RIC1: variants seen among roughly 807,000 people sequenced by gnomAD.
The protein encoded by RIC1 is guanine nucleotide exchange factor subunit RIC1.
RIC1 carries 88 observed loss-of-function variants against 169.0 expected under a neutral mutation model. The observed-to-expected ratio is 0.52, with a 90% CI of 0.44 to 0.62. The LOEUF is 0.62. RIC1 is among the 20% of genes least tolerant of loss of function. RIC1 has a pLI of 0.00. For missense variants in RIC1, 1,877 were observed against 1,725.5 expected (o/e 1.09, Z -1.56); for synonymous variants, 790 against 601.5 (o/e 1.31, Z -4.59).
At chr9:5,730,921 C>G (rs1437269398) in intron 6 of RIC1, among the ~76,000 whole-genome samples, 1 of 152,112 alleles carries the variant, frequency 6.6e-6, no homozygotes, top group Non-Finnish European at 1.5e-5. Context: ...CCACTTCACT[C>G]TATCCACACA....
At chr9:5,705,666 T>C (rs1024358281) in intron 3 of RIC1, among the ~76,000 whole-genome samples, 2 of 152,210 alleles carry the variant, frequency 1.3e-5, no homozygotes, top group Admixed American at 6.5e-5. Context: ...TCCAGTATTA[T>C]GCTGAACGGA....
intron 3 of RIC1, among the ~76,000 whole-genome samples, chr9:5,711,493 A>G (rs2130818539): frequency 6.6e-6 from 1 of 152,044 alleles, no homozygotes; most frequent in South Asian, 2.1e-4. Flanking sequence ...TTTAACTCAG[A>G]GCTGTTATTT....
At chr9:5,653,431 C>G (rs1818916016) in intron 1 of RIC1, among the ~76,000 whole-genome samples, 1 of 152,144 alleles carries the variant, frequency 6.6e-6, no homozygotes, top group Non-Finnish European at 1.5e-5. Context: ...TCTGTATCAA[C>G]TTTAGAGTGA....
intron 2 of RIC1, among the ~76,000 whole-genome samples, chr9:5,658,939 T>C (rs1436939245): frequency 1.3e-5 from 2 of 151,580 alleles, no homozygotes; most frequent in Non-Finnish European, 2.9e-5. Context: ...TATTAGAAAA[T>C]GTTTTCAAAT....
At chr9:5,697,552 CATT>C (rs5896127) in intron 3 of RIC1, among the ~76,000 whole-genome samples, 1,722 of 152,250 alleles carry the variant, frequency 0.011, 45 homozygotes, top group African/African-American at 0.039. Flanking sequence ...TCCAAGATAT[CATT>C]ATTTCATTTC....
chr9:5,678,054 G>A (rs1820565043), intron 2 of RIC1, among the ~76,000 whole-genome samples: 1 of 149,806 alleles, frequency 6.7e-6, no homozygotes, highest in South Asian at 2.1e-4. Flanking sequence ...GTGTCCATGT[G>A]TTCTCATTGT....
At chr9:5,635,058 G>C (rs1342550936) in intron 1 of RIC1, among the ~76,000 whole-genome samples, 1 of 152,060 alleles carries the variant, frequency 6.6e-6, no homozygotes, top group Non-Finnish European at 1.5e-5. Context: ...CATGATCATG[G>C]CTTACTGCAG....
chr9:5,770,150 G>T lies in RIC1; in HGVS notation c.3488G>T (p.Gly1163Val), dbSNP rs1586730993. The T allele has an allele frequency of 6.2e-7, 1 of 1,613,648 alleles. No homozygotes were observed. Among genetic ancestry groups the T allele is most frequent in the African/African-American group, 1.3e-5 (1 of 74,894 alleles). ...TTTTTGAACCTTGAGATGGATGCTG[G>T]CATCTCCAACATCCAGCGAAGTCAG... ...DPFLNLEMDA[G>V]ISNIQRSQSW... is the part of the protein sequence containing the mutation. Residue 1163 changes from glycine to valine, a missense_variant, in exon 23 of 26, where the codon GGC becomes GTC. By Grantham distance (109) the Gly-to-Val change is moderately radical. This residue lies in a region of RIC1 where 681 missense variants were observed against 582.0 expected (regional missense o/e 1.17). Coordinates refer to ENST00000414202, the MANE Select transcript of RIC1 (RefSeq NM_020829.4).
intron 11 of RIC1, among the ~76,000 whole-genome samples, chr9:5,746,610 T>C (rs1268552162): frequency 6.6e-6 from 1 of 152,090 alleles, no homozygotes; most frequent in African/African-American, 2.4e-5. Context: ...TTTTAAGAAA[T>C]AGCTTAAAGA....
intron 2 of RIC1, among the ~76,000 whole-genome samples, chr9:5,675,411 C>T (rs1230110604): frequency 6.6e-6 from 1 of 151,956 alleles, no homozygotes; most frequent in Non-Finnish European, 1.5e-5. Flanking sequence ...ACTGACATAT[C>T]GATTCTTTGA....
intron 1 of RIC1, among the ~76,000 whole-genome samples, chr9:5,645,242 G>C (rs1405947559): frequency 6.6e-6 from 1 of 152,104 alleles, no homozygotes; most frequent in Non-Finnish European, 1.5e-5. Context: ...TGTAGAGACA[G>C]GGTCTCCATA....
intron 1 of RIC1, among the ~76,000 whole-genome samples, chr9:5,650,577 C>G (rs1052559167): frequency 2.0e-5 from 3 of 151,930 alleles, no homozygotes; most frequent in Non-Finnish European, 4.4e-5. Flanking sequence ...GTATGGTATG[C>G]TTTGCTCCAA....
chr9:5,665,475 C>T (rs1819698135), intron 2 of RIC1, among the ~76,000 whole-genome samples: 1 of 152,126 alleles, frequency 6.6e-6, no homozygotes, highest in Non-Finnish European at 1.5e-5. Flanking sequence ...AGTTGTGAGC[C>T]CTTGCTGGAG....
chr9:5,743,961 C>T (rs571999887), intron 10 of RIC1, among the ~76,000 whole-genome samples: 15 of 152,176 alleles, frequency 9.9e-5, no homozygotes, highest in Admixed American at 5.9e-4. Flanking sequence ...TATCCACACA[C>T]GGTTAATTTT....
intron 3 of RIC1, among the ~76,000 whole-genome samples, chr9:5,709,796 A>G (rs1361624409): frequency 6.6e-6 from 1 of 152,154 alleles, no homozygotes. Flanking sequence ...GTATGTTTGG[A>G]AGACAGGATG....
chr9:5,737,082 C>T (rs565492170), intron 7 of RIC1, among the ~76,000 whole-genome samples: 1 of 151,942 alleles, frequency 6.6e-6, no homozygotes, highest in African/African-American at 2.4e-5. Flanking sequence ...ACATTTGTTT[C>T]TCTTTCTCAC....
Position 5,645,746 on chromosome 9 carries a change from G to A in RIC1, c.145-10837G>A, listed in dbSNP as rs955131684. Among the ~76,000 whole-genome samples the A allele has an allele frequency of 2.0e-5, 3 of 152,248 alleles. No individual in the cohort carries two copies. In the East Asian group the frequency reaches 5.8e-4, roughly 29 times the overall value. ...CAAAATTTCCTTCCTTCTTAAGGCT[G>A]AATGATACTCCATTGTATATGTACA... On this transcript the variant is annotated intron_variant, in intron 1 of 25. Transcript: ENST00000414202.
At chr9:5,664,866 A>G (rs914533484) in intron 2 of RIC1, among the ~76,000 whole-genome samples, 1 of 152,142 alleles carries the variant, frequency 6.6e-6, no homozygotes, top group Non-Finnish European at 1.5e-5. Flanking sequence ...ATAGTCTTCA[A>G]GCTCTGAGAT....
rs115357026 is a variant in RIC1, at chr9:5,708,581, T to C, written c.333-5315T>C. On this transcript the variant is annotated intron_variant, in intron 3 of 25. Coordinates refer to ENST00000414202, the MANE Select transcript of RIC1 (RefSeq NM_020829.4). ...CTTGAAATATGTCATCCCACTGTTCTCTGGCCTCCATGGTTTCCTATGAAA... is the reference window on the plus strand; with the variant it reads ...CTTGAAATATGTCATCCCACTGTTCCCTGGCCTCCATGGTTTCCTATGAAA... Among the ~76,000 whole-genome samples, 643 of 152,278 alleles carry C rather than the reference T, an allele frequency of 4.2e-3. 6 individuals are homozygous for C. Among genetic ancestry groups the C allele is most frequent in the African/African-American group, 0.015 (604 of 41,574 alleles).
Sources: allele counts gnomAD v4.1 joint callset (sites outside exome capture counted in the v4.1 genomes callset), GRCh38; gene constraint gnomAD v4.1.1; regional missense constraint gnomAD v4.1.1; transcripts MANE v1.5; gene names NCBI Gene and HGNC (gene_info 2026-07-23, HGNC 2026-07-21).